The following RUVBL1 variants were observed in gnomAD, a reference collection of about 807,000 sequenced individuals.
RUVBL1 encodes the protein RuvB like AAA ATPase 1.
Under a neutral mutation model 52.4 loss-of-function variants are expected in RUVBL1, and 4 were observed. The ratio of observed to expected loss-of-function variants is 0.08; its 90% confidence interval spans 0.04 to 0.17. The LOEUF (loss-of-function observed/expected upper bound fraction) is 0.17. RUVBL1 is among the 10% of genes least tolerant of loss of function. The pLI is 1.00. For synonymous variants in RUVBL1, 217 were observed against 214.4 expected (o/e 1.01, Z -0.10); for missense variants, 298 against 572.8 (o/e 0.52, Z 4.90).
rs1245706490 is a variant in RUVBL1, at chr3:128,098,830, T to G, written c.817+52A>C. ...ACAGAGCCGCAAGAGCATCTCAGAA[T>G]GTGGGGCCCTCCGCCCTGCCCCTTG... is the stretch of plus-strand genomic sequence containing the variant. On this transcript the variant is annotated intron_variant, in intron 7 of 10. Transcript: ENST00000322623. 15 of 1,492,202 alleles carry G rather than the reference T, an allele frequency of 1.0e-5. No homozygotes were observed. In the East Asian group the frequency reaches 3.4e-4, roughly 34 times the overall value. 92.4% of individuals were successfully genotyped at this position (1,492,202 alleles called of 1,614,324 possible). A position where few individuals can be genotyped will look rare whatever the true frequency, so the allele number is the denominator to read the frequency against.
At chr3:128,125,845 T>C (rs1339113521), upstream of RUVBL1, among the ~76,000 whole-genome samples, 1 of 152,228 alleles carries the variant, frequency 6.6e-6, no homozygotes, top group African/African-American at 2.4e-5. Context: ...CCTTTCTCTA[T>C]ATGGAGAAGG....
intron 2 of RUVBL1, among the ~76,000 whole-genome samples, chr3:128,116,730 C>G (rs1190830790): frequency 6.6e-6 from 1 of 152,110 alleles, no homozygotes; most frequent in Admixed American, 6.5e-5. Flanking sequence ...TTGTTAACTG[C>G]TCATGGAATC....
rs561874131 is a variant in RUVBL1 at position 128,090,389 on chromosome 3, G to A, written c.1017-2581C>T. 2.0e-3 allele frequency among the ~76,000 whole-genome samples: 309 copies of A among 152,172 alleles called. 2 individuals carry two copies. The highest frequency in any genetic ancestry group is 6.7e-3 in the African/African-American group (279 of 41,536). On this transcript the variant is annotated intron_variant, in intron 8 of 10. Transcript: ENST00000322623. ...AAAAAATTAGCCGGGCGTGGTGGCG[G>A]GCGCCTGTAGTCCCAGCTACTTGGG... is the stretch of plus-strand genomic sequence containing the variant.
intron 8 of RUVBL1, 61 bp from the exon 9 acceptor site, chr3:128,087,869 A>G (rs1391173083): frequency 2.5e-6 from 3 of 1,194,236 alleles, no homozygotes; most frequent in Non-Finnish European, 3.7e-6. Context: ...ACGACACTGG[A>G]AATACAGATC....
At chr3:128,090,142 A>G (rs1236626418) in intron 8 of RUVBL1, among the ~76,000 whole-genome samples, 1 of 152,212 alleles carries the variant, frequency 6.6e-6, no homozygotes, top group Non-Finnish European at 1.5e-5. Context: ...AATGGTTAAA[A>G]TGGCAAATTT....
In RUVBL1 at chr3:128,112,949, T is replaced by C; in HGVS notation, c.300A>G (p.Glu100=). 6.2e-7 allele frequency: 1 copy of C among 1,614,114 alleles called. No individual in the cohort carries two copies. Among genetic ancestry groups the C allele is most frequent in the South Asian group, 1.1e-5 (1 of 91,072 alleles). ...TCTTCTTGATCTCAGTTGAGTAAAC[T>C]TCACTCCCCACCATTGGGCAGAAGG... ...KVPFCPMVGS[E]VYSTEIKKTE... Residue 100 remains glutamate (E), a synonymous_variant, in exon 3 of 11, where the codon GAA becomes GAG. Coordinates refer to ENST00000322623, the MANE Select transcript of RUVBL1 (RefSeq NM_003707.3).
intron 1 of RUVBL1, among the ~76,000 whole-genome samples, chr3:128,119,920 G>A (rs572630041): frequency 2.6e-5 from 4 of 152,316 alleles, no homozygotes; most frequent in South Asian, 4.1e-4. Context: ...CGGCCAGAAC[G>A]CAGAACAGGA....
upstream of RUVBL1, among the ~76,000 whole-genome samples, chr3:128,126,544 C>CAA (rs79418093): frequency 3.4e-5 from 4 of 118,106 alleles, no homozygotes; most frequent in African/African-American, 6.2e-5. Context: ...AGACTCATCT[C>CAA]AAAAAAAAAA....
chr3:128,092,347 C>A (rs1029802510), intron 8 of RUVBL1, among the ~76,000 whole-genome samples: 10 of 152,012 alleles, frequency 6.6e-5, no homozygotes, highest in African/African-American at 2.4e-4. Flanking sequence ...AAAGAAAAAA[C>A]ATAAATTGGA....
At chr3:128,108,123 C>A (rs1943291822) in intron 3 of RUVBL1, among the ~76,000 whole-genome samples, 2 of 152,168 alleles carry the variant, frequency 1.3e-5, no homozygotes. Flanking sequence ...TTTCTATATC[C>A]CTGACAGGGA....
At chr3:128,139,894 G>A (rs1344682859) in intron 1 of RUVBL1, among the ~76,000 whole-genome samples, 1 of 152,140 alleles carries the variant, frequency 6.6e-6, no homozygotes, top group Non-Finnish European at 1.5e-5. Flanking sequence ...AAGGGTAGTG[G>A]GGATGCGGAG....
downstream of RUVBL1, chr3:128,076,034 G>C (rs1942310761): frequency 6.5e-6 from 1 of 152,976 alleles, no homozygotes; most frequent in African/African-American, 2.4e-5. The surrounding 1 kb of genome is among the most constrained non-coding windows in gnomAD (Gnocchi z 6.8). Context: ...GAAGCCCTCC[G>C]GCCCCCTCTC....
intron 7 of RUVBL1, 35 bp from the exon 8 acceptor site, chr3:128,097,533 A>C (rs776318346): frequency 6.3e-7 from 1 of 1,592,636 alleles, no homozygotes; most frequent in East Asian, 2.2e-5. Context: ...CAAGGTCAGC[A>C]CAGGGCTGGG....
intron 1 of RUVBL1, among the ~76,000 whole-genome samples, chr3:128,121,520 G>A (rs2107718648): frequency 6.6e-6 from 1 of 151,376 alleles, no homozygotes; most frequent in East Asian, 2.0e-4. Flanking sequence ...GACCAGCCTG[G>A]TCAACATGGT....
chr3:128,106,352 C>T (rs1262361435), intron 3 of RUVBL1, among the ~76,000 whole-genome samples: 5 of 152,154 alleles, frequency 3.3e-5, no homozygotes, highest in East Asian at 1.9e-4. Flanking sequence ...ACTTTTAGAA[C>T]GTGATCTCTA....
intron 9 of RUVBL1, chr3:128,085,261 A>C (rs1942610542): frequency 6.6e-6 from 1 of 152,270 alleles, no homozygotes; most frequent in South Asian, 2.1e-4. Context: ...TGTTCCATTT[A>C]ACAGAGAAGG....
rs116008061 is a variant in RUVBL1 at position 128,137,578 on chromosome 3, C to A, written c.-40+15625G>T. Among the ~76,000 whole-genome samples, 1,317 of 152,216 alleles carry A rather than the reference C, an allele frequency of 8.7e-3. 6 individuals are homozygous for A. The highest frequency in any genetic ancestry group is 0.015 in the Non-Finnish European group (1,013 of 67,990). Reference sequence around the variant, plus strand: ...CTCCCAGCAAAGAAAGACCTGAGACCCAATGGCTTTAGTGCTGAATTTTAC... The same window carrying A: ...CTCCCAGCAAAGAAAGACCTGAGACACAATGGCTTTAGTGCTGAATTTTAC... On this transcript the variant is annotated intron_variant, in intron 1 of 9. Coordinates refer to the RUVBL1 transcript ENST00000464873.
At chr3:128,116,058 TAG>T (rs1366510911) in intron 2 of RUVBL1, among the ~76,000 whole-genome samples, 2 of 149,542 alleles carry the variant, frequency 1.3e-5, no homozygotes, top group Admixed American at 6.6e-5. Context: ...ACCCAAGAGG[TAG>T]AGACTGCAGT....
chr3:128,095,821 A>G (rs1055103498), intron 8 of RUVBL1, among the ~76,000 whole-genome samples: 1 of 151,988 alleles, frequency 6.6e-6, no homozygotes, highest in South Asian at 2.1e-4. Flanking sequence ...CACAGGTGCA[A>G]TCATTGCACA....
Sources: gnomAD v4.1 joint callset for allele counts (sites outside exome capture counted in the v4.1 genomes callset) on GRCh38, gnomAD v4.1.1 for gene constraint, Gnocchi (gnomAD v3.1) non-coding constraint, MANE v1.5 for transcripts, NCBI Gene and HGNC (gene_info 2026-07-23, HGNC 2026-07-21) for gene names.